PDE4D: variants seen among roughly 807,000 people sequenced by gnomAD.
PDE4D encodes the protein 3',5'-cyclic-AMP phosphodiesterase 4D.
In PDE4D, 24 loss-of-function variants were observed where a neutral mutation model predicts 87.4. That is an observed-to-expected ratio of 0.27 (90% confidence interval 0.20 to 0.39). The LOEUF is 0.39. Among genes scored for constraint, PDE4D ranks in the 10% least tolerant of loss-of-function variants. The pLI, the probability that PDE4D is intolerant of heterozygous loss-of-function variation, is 1.00. For synonymous variants in PDE4D, 384 were observed against 383.2 expected (o/e 1.00, Z -0.02); for missense variants, 714 against 1,041.0 (o/e 0.69, Z 4.32).
At chr5:60,378,036 A>G (rs1190916529) in intron 1 of PDE4D, among the ~76,000 whole-genome samples, 1 of 152,224 alleles carries the variant, frequency 6.6e-6, no homozygotes, top group Non-Finnish European at 1.5e-5. Flanking sequence ...GAATAGAACT[A>G]TATTGTTTTG....
At chr5:60,522,051 T>G (rs1055936798) in exon 1 of PDE4D, 2 of 152,174 alleles carry the variant, frequency 1.3e-5, no homozygotes, top group African/African-American at 4.8e-5. Flanking sequence ...ATTAACTTAC[T>G]TTATCCCCAT....
At chr5:59,798,885 A>C (rs1000832363) in intron 1 of PDE4D, among the ~76,000 whole-genome samples, 3 of 152,186 alleles carry the variant, frequency 2.0e-5, no homozygotes, top group African/African-American at 7.2e-5. Flanking sequence ...AGCTACTGTG[A>C]GAGAACTCCT....
Position 59,500,089 on chromosome 5 carries a change from A to T in PDE4D, c.456-284121T>A, listed in dbSNP as rs1049464857. On this transcript the variant is annotated intron_variant, in intron 1 of 14. Transcript: ENST00000340635. ...CACCACTCAGAATGGCTAGTATATT[A>T]AAAAAATCAAAAAGTAACAGATGTT... Among the ~76,000 whole-genome samples the T allele has an allele frequency of 1.9e-3, 294 of 152,122 alleles. 7 individuals are homozygous for T. Among genetic ancestry groups the T allele is most frequent in the Admixed American group, 0.019 (292 of 15,262 alleles).
chr5:60,494,263 G>T (rs1198766106), intron 1 of PDE4D, among the ~76,000 whole-genome samples: 1 of 152,170 alleles, frequency 6.6e-6, no homozygotes, highest in Non-Finnish European at 1.5e-5. Context: ...TGCACTGGGG[G>T]TAGGGGGATC....
At chr5:59,925,540 T>G (rs1755160164) in intron 3 of PDE4D, among the ~76,000 whole-genome samples, 2 of 152,164 alleles carry the variant, frequency 1.3e-5, no homozygotes, top group Admixed American at 6.5e-5. Context: ...TGAATATCAA[T>G]GGACTAAACT....
chr5:59,543,152 T>C (rs916691176), intron 1 of PDE4D, among the ~76,000 whole-genome samples: 5 of 152,162 alleles, frequency 3.3e-5, no homozygotes, highest in Non-Finnish European at 7.3e-5. Context: ...ACTTTCATCA[T>C]GAAACGACAC....
intron 1 of PDE4D, among the ~76,000 whole-genome samples, chr5:59,442,348 G>T (rs1797759531): frequency 6.6e-6 from 1 of 152,100 alleles, no homozygotes; most frequent in Non-Finnish European, 1.5e-5. Flanking sequence ...CAACATCCAA[G>T]TTTTCATAAT....
intron 1 of PDE4D, among the ~76,000 whole-genome samples, chr5:59,763,652 GAAGTT>G (rs1762445920): frequency 1.3e-5 from 2 of 152,256 alleles, no homozygotes; most frequent in South Asian, 4.1e-4. Flanking sequence ...ACTAGTACTG[GAAGTT>G]AAGTTTTCTT....
chr5:59,216,332 C>T (rs575706335), intron 1 of PDE4D, among the ~76,000 whole-genome samples: 6 of 152,084 alleles, frequency 3.9e-5, no homozygotes, highest in Admixed American at 1.3e-4. Context: ...TCAACAAATA[C>T]CCATTTTGTG....
chr5:58,975,367 T>C lies in PDE4D; in HGVS notation c.2014-287A>G, dbSNP rs1743457701. Among the ~76,000 whole-genome samples the C allele has an allele frequency of 6.6e-6, 1 of 152,200 alleles. No homozygotes were observed. The highest frequency in any genetic ancestry group is 2.4e-5 in the African/African-American group (1 of 41,444). On this transcript the variant is annotated intron_variant, in intron 14 of 14. Transcript: ENST00000340635. This position sits in a 1 kb window ranked among gnomAD's most constrained non-coding sequence, Gnocchi z 4.2. ...GGCTTATTTTACAATCACCAATTTG[T>C]AGGTGAATCCAGATAACTGAAATAA...
chr5:59,951,733 A>G (rs1024201446), intron 3 of PDE4D, among the ~76,000 whole-genome samples: 1 of 152,180 alleles, frequency 6.6e-6, no homozygotes, highest in African/African-American at 2.4e-5. Flanking sequence ...CTCCCTCTAC[A>G]TAGAAGCCAT....
chr5:59,727,553 TAAAC>T (rs1288308044), intron 1 of PDE4D, among the ~76,000 whole-genome samples: 1 of 151,902 alleles, frequency 6.6e-6, no homozygotes, highest in Non-Finnish European at 1.5e-5. Flanking sequence ...GGTTAGAACA[TAAAC>T]AAACAAATAA....
At chr5:60,209,362 A>T (rs1376013169) in intron 1 of PDE4D, among the ~76,000 whole-genome samples, 1 of 152,046 alleles carries the variant, frequency 6.6e-6, no homozygotes, top group African/African-American at 2.4e-5. Flanking sequence ...AAACATTGCT[A>T]TGTCATTCTT....
intron 1 of PDE4D, among the ~76,000 whole-genome samples, chr5:59,537,597 A>C (rs1362525967): frequency 6.6e-6 from 1 of 152,204 alleles, no homozygotes; most frequent in Admixed American, 6.5e-5. Flanking sequence ...CAGAAGCTTC[A>C]TAAGTATGGA....
chr5:60,227,772 G>A (rs1745301601), intron 1 of PDE4D, among the ~76,000 whole-genome samples: 1 of 152,088 alleles, frequency 6.6e-6, no homozygotes, highest in African/African-American at 2.4e-5. Context: ...TTTACAAATT[G>A]TCAGTCTTGT....
chr5:59,986,045 C>T (rs1034735262), intron 3 of PDE4D, among the ~76,000 whole-genome samples: 3 of 152,308 alleles, frequency 2.0e-5, no homozygotes, highest in East Asian at 1.9e-4. Context: ...CCCTGAAGTT[C>T]CTTGGCACTT....
intron 2 of PDE4D, among the ~76,000 whole-genome samples, chr5:59,199,887 C>T (rs921342547): frequency 4.0e-5 from 6 of 151,750 alleles, no homozygotes; most frequent in African/African-American, 1.5e-4. Flanking sequence ...TCTATATACA[C>T]ATGTACATAT....
At chr5:59,356,593 T>A (rs972628926) in intron 1 of PDE4D, among the ~76,000 whole-genome samples, 4 of 152,200 alleles carry the variant, frequency 2.6e-5, no homozygotes, top group African/African-American at 7.2e-5. Context: ...CGTACCTACA[T>A]ACCCCTATTT....
chr5:59,039,302 C>T (rs976793087), intron 5 of PDE4D: 47 of 1,055,948 alleles, frequency 4.5e-5, no homozygotes, highest in Non-Finnish European at 5.3e-5. Flanking sequence ...GCGGCGGGCC[C>T]GAGTCCCAGT....
Sources: allele counts gnomAD v4.1 joint callset (sites outside exome capture counted in the v4.1 genomes callset), GRCh38; gene constraint gnomAD v4.1.1; non-coding constraint Gnocchi (gnomAD v3.1); transcripts MANE v1.5; gene names NCBI Gene and HGNC (gene_info 2026-07-23, HGNC 2026-07-21).